Variants in DPYD observed in about 807,000 individuals in gnomAD.
The protein encoded by DPYD is dihydropyrimidine dehydrogenase, also known as dihydropyrimidine dehydrogenase [NADP(+)].
In DPYD, 109 loss-of-function variants were observed where a neutral mutation model predicts 116.2. The observed-to-expected ratio is 0.94, with a 90% CI of 0.80 to 1.10. DPYD has a LOEUF of 1.10. Ranked by LOEUF, DPYD falls within the 50% of genes least tolerant of loss-of-function variation. The pLI is 0.00. For missense variants in DPYD, 1,302 were observed against 1,254.5 expected, an observed-to-expected ratio of 1.04 and a Z score of -0.57; for synonymous variants, 440 against 432.0, an observed-to-expected ratio of 1.02 and a Z score of -0.23.
intron 19 of DPYD, among the ~76,000 whole-genome samples, chr1:97,231,278 T>C (rs1296200792): frequency 1.3e-5 from 2 of 152,152 alleles, no homozygotes; most frequent in Admixed American, 6.6e-5. Context: ...ATATGCCCAG[T>C]TGGAAGAGTA....
At chr1:97,133,221 T>G (rs1653469179) in intron 20 of DPYD, among the ~76,000 whole-genome samples, 1 of 152,038 alleles carries the variant, frequency 6.6e-6, no homozygotes, top group Non-Finnish European at 1.5e-5. Flanking sequence ...TTGCTAGCCT[T>G]TTTGGATTTG....
In DPYD at chr1:97,425,788, G is replaced by A. The variant is rs750954421; in HGVS notation, c.1905+24271C>T. 3.3e-5 allele frequency among the ~76,000 whole-genome samples: 5 copies of A among 150,898 alleles called. No individual in the cohort carries two copies. In the South Asian group the frequency reaches 8.4e-4, roughly 25 times the overall value. ...GTAAACAAGTTCACATTTGAACCCTGACAGCATTCTTTTCATTAATGCCTT... is the reference window on the plus strand; with the variant it reads ...GTAAACAAGTTCACATTTGAACCCTAACAGCATTCTTTTCATTAATGCCTT... On this transcript the variant is annotated intron_variant, in intron 14 of 22. Coordinates refer to ENST00000370192, the MANE Select transcript of DPYD (RefSeq NM_000110.4).
chr1:97,488,781 A>G (rs1678800686), intron 13 of DPYD, among the ~76,000 whole-genome samples: 1 of 152,210 alleles, frequency 6.6e-6, no homozygotes, highest in Non-Finnish European at 1.5e-5. Context: ...CCATGGCAAC[A>G]ACCCAACAAT....
rs550843308 is a variant in DPYD at position 97,085,669 on chromosome 1, C to A, written c.2767-3199G>T. Among the ~76,000 whole-genome samples, 19 of 152,214 alleles carry A rather than the reference C, an allele frequency of 1.2e-4. No homozygotes were observed. In the South Asian group the frequency reaches 2.1e-3, roughly 17 times the overall value. ...AGGTAGTACTACCAGCTTATGAATA[C>A]CCTTGAGTAGATGTCCTGGAATCTG... On this transcript the variant is annotated intron_variant, in intron 21 of 22. Coordinates refer to ENST00000370192, the MANE Select transcript of DPYD (RefSeq NM_000110.4).
At chr1:97,584,198 C>A (rs61789246) in intron 10 of DPYD, among the ~76,000 whole-genome samples, 1 of 151,658 alleles carries the variant, frequency 6.6e-6, no homozygotes, top group Non-Finnish European at 1.5e-5. Context: ...GTTTTTTGGC[C>A]GCATAAATGT....
intron 3 of DPYD, among the ~76,000 whole-genome samples, chr1:97,819,955 G>GCA (rs2101440116): frequency 6.6e-6 from 1 of 152,028 alleles, no homozygotes; most frequent in East Asian, 1.9e-4. Flanking sequence ...GCATACACAT[G>GCA]CACACACACA....
At chr1:97,453,172 A>C (rs1026349047) in intron 13 of DPYD, among the ~76,000 whole-genome samples, 1 of 152,078 alleles carries the variant, frequency 6.6e-6, no homozygotes, top group Non-Finnish European at 1.5e-5. Context: ...AGCATGCTTG[A>C]ACTTCATCTC....
intron 1 of DPYD, among the ~76,000 whole-genome samples, chr1:97,909,736 C>T (rs1673832917): frequency 6.6e-6 from 1 of 152,090 alleles, no homozygotes; most frequent in Admixed American, 6.6e-5. Context: ...CCTTGTTGAG[C>T]TACGCTGTCT....
chr1:97,284,265 T>G (rs185087503), intron 18 of DPYD, among the ~76,000 whole-genome samples: 15 of 152,256 alleles, frequency 9.9e-5, no homozygotes, highest in Non-Finnish European at 2.1e-4. Context: ...TTTTTAATAG[T>G]AAACTCACTC....
intron 1 of DPYD, among the ~76,000 whole-genome samples, chr1:97,910,417 A>G (rs1047174147): frequency 6.6e-6 from 1 of 152,142 alleles, no homozygotes; most frequent in Admixed American, 6.6e-5. Flanking sequence ...GGTGGTAGCC[A>G]TTATTAATAA....
chr1:97,119,961 T>C (rs1468620238), intron 20 of DPYD, among the ~76,000 whole-genome samples: 2 of 152,104 alleles, frequency 1.3e-5, no homozygotes, highest in Non-Finnish European at 2.9e-5. Context: ...CTAATTCTCA[T>C]CCACACAAAA....
intron 3 of DPYD, among the ~76,000 whole-genome samples, chr1:97,821,505 G>A (rs1415966110): frequency 6.6e-6 from 1 of 152,024 alleles, no homozygotes; most frequent in East Asian, 1.9e-4. Context: ...AGAATATGAT[G>A]AAAAGAAGTT....
At chr1:97,335,299 TACACACACACACACACACAC>T (rs35371362) in intron 16 of DPYD, among the ~76,000 whole-genome samples, 12 of 136,228 alleles carry the variant, frequency 8.8e-5, no homozygotes, top group South Asian at 2.5e-4. Context: ...TGGAGTTAAG[TACACACACACACACACACAC>T]ACACACACAC....
intron 4 of DPYD, among the ~76,000 whole-genome samples, chr1:97,723,705 C>T (rs923099955): frequency 2.0e-5 from 3 of 151,416 alleles, no homozygotes; most frequent in Non-Finnish European, 4.4e-5. Flanking sequence ...TCAGAGTCTT[C>T]GGTAGTGTCT....
At chr1:97,610,879 A>G (rs1282241318) in intron 8 of DPYD, among the ~76,000 whole-genome samples, 3 of 152,056 alleles carry the variant, frequency 2.0e-5, no homozygotes, top group Non-Finnish European at 4.4e-5. Context: ...GGGAGCTTTA[A>G]AATGCAAAGT....
chr1:97,610,464 G>T lies in DPYD; in HGVS notation c.851-15298C>A, dbSNP rs548106124. Among the ~76,000 whole-genome samples the T allele has an allele frequency of 4.6e-4, 70 of 152,150 alleles. 1 individual carries two copies. Among genetic ancestry groups the T allele is most frequent in the African/African-American group, 1.4e-3 (60 of 41,550 alleles). ...CATCTTGAAAGGAGATTATAGATTT[G>T]CATGTTTGCAGTGGGAATGAAAGAT... is the stretch of plus-strand genomic sequence containing the variant. On this transcript the variant is annotated intron_variant, in intron 8 of 22. Transcript: ENST00000370192.
At chr1:97,530,219 T>C (rs576834865) in intron 12 of DPYD, among the ~76,000 whole-genome samples, 52 of 115,242 alleles carry the variant, frequency 4.5e-4, no homozygotes, top group South Asian at 3.3e-3. Flanking sequence ...TTTTTCTTTT[T>C]TTTTTTTTTT....
intron 8 of DPYD, among the ~76,000 whole-genome samples, chr1:97,653,549 C>T (rs1030969936): frequency 2.6e-5 from 4 of 151,990 alleles, no homozygotes; most frequent in Admixed American, 6.6e-5. Context: ...GTGATCTGCC[C>T]GCCTCGGCCT....
intron 18 of DPYD, among the ~76,000 whole-genome samples, chr1:97,240,685 C>CT (rs1662275964): frequency 6.6e-6 from 1 of 151,840 alleles, no homozygotes; most frequent in South Asian, 2.1e-4. Flanking sequence ...CCTTGACTGT[C>CT]TAATTGTTAA....
Sources: allele counts gnomAD v4.1 joint callset (sites outside exome capture counted in the v4.1 genomes callset), GRCh38; gene constraint gnomAD v4.1.1; transcripts MANE v1.5; gene names NCBI Gene and HGNC (gene_info 2026-07-23, HGNC 2026-07-21).